LIN28B: variants seen among roughly 807,000 people sequenced by gnomAD.
LIN28B encodes the protein lin-28 RNA binding posttranscriptional regulator B.
A neutral mutation model predicts 21.9 loss-of-function variants in LIN28B; 5 were observed. The observed-to-expected ratio is 0.23, with a 90% CI of 0.12 to 0.48. The LOEUF is 0.48. LIN28B is among the 20% of genes least tolerant of loss of function. The pLI, the probability that LIN28B is intolerant of heterozygous loss-of-function variation, is 0.98. For synonymous variants in LIN28B, 109 were observed against 111.3 expected (o/e 0.98, Z 0.13); for missense variants, 245 against 310.5 (o/e 0.79, Z 1.58).
intron 2 of LIN28B, among the ~76,000 whole-genome samples, chr6:105,022,415 C>A (rs190477727): frequency 8.5e-5 from 13 of 152,206 alleles, no homozygotes; most frequent in African/African-American, 2.9e-4. Flanking sequence ...CATTTTTAGG[C>A]ATATGTTTAA....
At position 105,043,649 on chromosome 6, in the gene LIN28B, C is replaced by G. The variant is rs139997895; in HGVS notation, c.383+17167C>G. Reference sequence around the variant, plus strand: ...CCAAGCTGGAGTGCAGTGGCAGGATCTCAGCTTACTGCAGCCTCTCTTCCT... The same window carrying G: ...CCAAGCTGGAGTGCAGTGGCAGGATGTCAGCTTACTGCAGCCTCTCTTCCT... On this transcript the variant is annotated intron_variant, in intron 3 of 3. Transcript: ENST00000345080. Among the ~76,000 whole-genome samples, 686 of 151,422 alleles carry G rather than the reference C, an allele frequency of 4.5e-3. 5 individuals carry two copies. The highest frequency in any genetic ancestry group is 0.016 in the African/African-American group (658 of 41,298).
rs980799980 is a variant in LIN28B, at chr6:105,030,592, C to CTT, written c.383+4130_383+4131dup. ...CTTGAATTAATTTCTTTCTTTCTTT[C>CTT]TTTTTTTTTTTTTTTTTTTTTGGAG... On this transcript the variant is annotated intron_variant, in intron 3 of 3. Transcript: ENST00000345080. 3.1e-3 allele frequency among the ~76,000 whole-genome samples: 333 copies of CTT among 106,568 alleles called. 4 individuals carry two copies. The highest frequency in any genetic ancestry group is 9.1e-3 in the African/African-American group (253 of 27,740). The allele number at this position is 106,568 out of a possible 152,430, so 69.9% of individuals were successfully genotyped here. A position where few individuals can be genotyped will look rare whatever the true frequency, so the allele number is the denominator to read the frequency against.
At chr6:105,021,815 C>T (rs1210321221) in intron 2 of LIN28B, among the ~76,000 whole-genome samples, 1 of 151,986 alleles carries the variant, frequency 6.6e-6, no homozygotes, top group Non-Finnish European at 1.5e-5. Flanking sequence ...AAGAAGGAGG[C>T]TTTTTAGTTT....
At chr6:105,058,823 G>A (rs1169368019) in intron 3 of LIN28B, among the ~76,000 whole-genome samples, 4 of 152,126 alleles carry the variant, frequency 2.6e-5, no homozygotes, top group African/African-American at 9.7e-5. Flanking sequence ...GCTCCTGTGG[G>A]TATTTTAAAG....
chr6:104,990,310 T>C (rs941369645), intron 2 of LIN28B, among the ~76,000 whole-genome samples: 1 of 151,796 alleles, frequency 6.6e-6, no homozygotes, highest in Non-Finnish European at 1.5e-5. Flanking sequence ...TTACATATAT[T>C]TATTAGGTTA....
At chr6:104,957,371 A>C in intron 1 of LIN28B, 111 bp downstream of exon 1, 4 of 539,632 alleles carry the variant, frequency 7.4e-6, no homozygotes, top group Non-Finnish European at 1.2e-5. Context: ...TTACCCCAAT[A>C]CTGGGCATTA....
At chr6:105,039,522 T>A (rs1195047687) in intron 3 of LIN28B, among the ~76,000 whole-genome samples, 3 of 152,182 alleles carry the variant, frequency 2.0e-5, no homozygotes, top group Non-Finnish European at 2.9e-5. Flanking sequence ...ATTAATTTTT[T>A]AAAACCATCA....
chr6:104,945,384 G>A (rs1336895627), intron 2 of LIN28B, among the ~76,000 whole-genome samples: 1 of 151,876 alleles, frequency 6.6e-6, no homozygotes. Flanking sequence ...GTTAATCTCT[G>A]GTGATGATAT....
chr6:104,988,831 G>C (rs1267422555), intron 2 of LIN28B, among the ~76,000 whole-genome samples: 1 of 152,042 alleles, frequency 6.6e-6, no homozygotes, highest in African/African-American at 2.4e-5. Flanking sequence ...CACCTGCCTT[G>C]GCCTCCCAAA....
chr6:105,019,549 T>C (rs770847182), intron 2 of LIN28B, among the ~76,000 whole-genome samples: 1 of 152,212 alleles, frequency 6.6e-6, no homozygotes, highest in Non-Finnish European at 1.5e-5. Context: ...ATCTGGTCCT[T>C]ACACAAACCT....
At chr6:104,940,013 C>T (rs1778059629) in intron 2 of LIN28B, among the ~76,000 whole-genome samples, 1 of 151,960 alleles carries the variant, frequency 6.6e-6, no homozygotes, top group Admixed American at 6.6e-5. Context: ...TATTTTTGGC[C>T]CCAGATCTTG....
At chr6:104,976,457 A>C (rs1770095895) in intron 2 of LIN28B, among the ~76,000 whole-genome samples, 1 of 152,226 alleles carries the variant, frequency 6.6e-6, no homozygotes. Context: ...GGACAATGGA[A>C]CTTTATTGAA....
intron 2 of LIN28B, among the ~76,000 whole-genome samples, chr6:104,942,283 G>A (rs1778105376): frequency 6.6e-6 from 1 of 152,136 alleles, no homozygotes; most frequent in African/African-American, 2.4e-5. Flanking sequence ...GGGAAAATAT[G>A]ACTTAAAGTG....
intron 2 of LIN28B, among the ~76,000 whole-genome samples, chr6:104,985,452 G>A (rs551897546): frequency 1.8e-4 from 28 of 152,178 alleles, no homozygotes; most frequent in African/African-American, 6.7e-4. Flanking sequence ...TACTTCAATT[G>A]ATTGTTCTTT....
chr6:105,010,429 A>G (rs996949343), intron 2 of LIN28B, among the ~76,000 whole-genome samples: 4 of 152,170 alleles, frequency 2.6e-5, no homozygotes, highest in African/African-American at 7.2e-5. Context: ...TCATCTTTAA[A>G]TTTAAGCAAA....
intron 2 of LIN28B, among the ~76,000 whole-genome samples, chr6:104,948,526 T>C (rs769309402): frequency 6.6e-6 from 1 of 152,194 alleles, no homozygotes; most frequent in Non-Finnish European, 1.5e-5. Context: ...AGTGGCTGTT[T>C]TTGGAGTATT....
In LIN28B at chr6:105,026,428, G is replaced by A; in HGVS notation, c.329G>A (p.Ser110Asn). The change falls in exon 3 of 4, where the codon AGT (serine) becomes AAT (asparagine). Residue 110 changes from serine (S) to asparagine (N), a missense_variant. By Grantham distance (46) the Ser-to-Asn change is conservative. Coordinates refer to ENST00000345080, the MANE Select transcript of LIN28B (RefSeq NM_001004317.4). ...CCTGGTGGGAGCCCCTGTTTAGGAA[G>A]TGAAAGAAGACCCAAAGGGAAGACA... ...TGPGGSPCLG[S>N]ERRPKGKTLQ... 1 of 1,610,210 alleles carries A rather than the reference G, an allele frequency of 6.2e-7. No individual in the cohort carries two copies. Among genetic ancestry groups the A allele is most frequent in the Non-Finnish European group, 8.5e-7 (1 of 1,178,528 alleles).
chr6:105,032,444 G>A (rs1339399447), intron 3 of LIN28B, among the ~76,000 whole-genome samples: 2 of 152,070 alleles, frequency 1.3e-5, no homozygotes. Context: ...AAAAATTTTG[G>A]CCCCGTGTGG....
intron 2 of LIN28B, among the ~76,000 whole-genome samples, chr6:105,020,344 ATT>A (rs111695532): frequency 1.4e-5 from 2 of 145,342 alleles, no homozygotes; most frequent in South Asian, 2.2e-4. Context: ...TACAGCAAGG[ATT>A]TTTTTTTTTT....
Sources: allele counts gnomAD v4.1 joint callset (sites outside exome capture counted in the v4.1 genomes callset), GRCh38; gene constraint gnomAD v4.1.1; transcripts MANE v1.5; gene names NCBI Gene and HGNC (gene_info 2026-07-23, HGNC 2026-07-21).